The following ADGRL2 variants were observed in gnomAD, a reference collection of about 807,000 sequenced individuals.
ADGRL2 encodes the protein adhesion G protein-coupled receptor L2.
Under a neutral mutation model 157.4 loss-of-function variants are expected in ADGRL2, and 44 were observed. That is an observed-to-expected ratio of 0.28 (90% CI 0.22 to 0.36). ADGRL2 has a LOEUF of 0.36. ADGRL2 is among the 10% of genes least tolerant of loss of function. The probability of loss-of-function intolerance (pLI) is 1.00; values close to 1 mark genes in which losing one functional copy is unlikely to be tolerated. For synonymous variants in ADGRL2, 585 were observed against 624.7 expected (o/e 0.94, Z 0.95); for missense variants, 1,510 against 1,768.9 (o/e 0.85, Z 2.63).
chr1:81,601,615 GAGA>G (rs1207300717), intron 3 of ADGRL2, among the ~76,000 whole-genome samples: 3 of 152,282 alleles, frequency 2.0e-5, no homozygotes, highest in Admixed American at 6.5e-5. Flanking sequence ...AAGAGAGAGA[GAGA>G]AGAAGAAATC....
intron 2 of ADGRL2, among the ~76,000 whole-genome samples, chr1:81,870,011 A>G (rs190667178): frequency 1.6e-3 from 241 of 149,328 alleles, no homozygotes; most frequent in African/African-American, 5.7e-3. Context: ...CATTTTCCTT[A>G]CAAAACAACA....
At chr1:81,524,114 A>C (rs533723658) in intron 2 of ADGRL2, among the ~76,000 whole-genome samples, 1 of 152,186 alleles carries the variant, frequency 6.6e-6, no homozygotes, top group Non-Finnish European at 1.5e-5. Flanking sequence ...TAATCCCAGC[A>C]CTTTGGGAGG....
At chr1:81,422,347 C>T (rs147974166) in intron 1 of ADGRL2, among the ~76,000 whole-genome samples, 3 of 152,234 alleles carry the variant, frequency 2.0e-5, no homozygotes, top group African/African-American at 2.4e-5. Flanking sequence ...TGAATTCAAG[C>T]GATTCTCCTG....
At chr1:81,316,970 A>G (rs1660148793) in intron 1 of ADGRL2, among the ~76,000 whole-genome samples, 2 of 152,120 alleles carry the variant, frequency 1.3e-5, no homozygotes, top group Non-Finnish European at 1.5e-5. Flanking sequence ...TGTCAATGAA[A>G]AGTTAGGAAG....
chr1:81,872,595 C>A (rs1345030721), intron 2 of ADGRL2, among the ~76,000 whole-genome samples: 1 of 152,032 alleles, frequency 6.6e-6, no homozygotes, highest in Non-Finnish European at 1.5e-5. Context: ...AGTGTTGGTG[C>A]TTACTGGACT....
At chr1:81,878,795 T>C (rs1332161939) in intron 2 of ADGRL2, among the ~76,000 whole-genome samples, 1 of 152,136 alleles carries the variant, frequency 6.6e-6, no homozygotes, top group Non-Finnish European at 1.5e-5. Context: ...ATAAACACAG[T>C]GTAATGGTTT....
At chr1:81,857,056 G>A (rs2093227896) in intron 2 of ADGRL2, among the ~76,000 whole-genome samples, 1 of 152,132 alleles carries the variant, frequency 6.6e-6, no homozygotes, top group Non-Finnish European at 1.5e-5. Context: ...AATCACTGTA[G>A]TAGGTGCTTT....
chr1:81,362,489 C>G (rs4388741), intron 1 of ADGRL2, among the ~76,000 whole-genome samples: 77,251 of 151,586 alleles, frequency 0.51, 21,688 homozygotes, highest in East Asian at 0.72. Flanking sequence ...TATCATTATG[C>G]TAATTCCTCC....
At chr1:81,722,247 C>G (rs1399289123) in intron 1 of ADGRL2, 1 of 402,728 alleles carries the variant, frequency 2.5e-6, no homozygotes, top group Non-Finnish European at 4.7e-6. Context: ...GAGCGGAGAT[C>G]GCGCCACTGC....
At chr1:81,944,096 A>G (rs888491667) in intron 6 of ADGRL2, among the ~76,000 whole-genome samples, 7 of 151,990 alleles carry the variant, frequency 4.6e-5, no homozygotes, top group Admixed American at 1.3e-4. Context: ...ATTACAATCT[A>G]TGTTCAGACC....
At chr1:81,868,060 G>GGT (rs145794673) in intron 2 of ADGRL2, among the ~76,000 whole-genome samples, 54,050 of 145,324 alleles carry the variant, frequency 0.37, 10,005 homozygotes, top group East Asian at 0.47. Context: ...GTGTGTGTGT[G>GGT]GTGTGTGTGT....
At chr1:81,905,612 A>G (rs1256134355) in intron 2 of ADGRL2, among the ~76,000 whole-genome samples, 2 of 152,210 alleles carry the variant, frequency 1.3e-5, no homozygotes, top group African/African-American at 4.8e-5. Context: ...AATCAGTTCT[A>G]TGTTTTGACA....
chr1:81,888,195 A>G (rs185691393), intron 2 of ADGRL2, among the ~76,000 whole-genome samples: 2 of 152,312 alleles, frequency 1.3e-5, no homozygotes, highest in East Asian at 1.9e-4. Context: ...AAGGTCAGCT[A>G]TAAACGTAGA....
At chr1:81,649,159 AC>A (rs1316231647) in intron 3 of ADGRL2, among the ~76,000 whole-genome samples, 2 of 151,944 alleles carry the variant, frequency 1.3e-5, no homozygotes, top group Non-Finnish European at 2.9e-5. Flanking sequence ...ACCTCTCCTC[AC>A]CCAAGTTTCC....
intron 1 of ADGRL2, among the ~76,000 whole-genome samples, chr1:81,325,431 A>G (rs1387093583): frequency 2.0e-5 from 3 of 152,226 alleles, no homozygotes; most frequent in African/African-American, 7.2e-5. Context: ...TGAGAAAACA[A>G]AGAAGATTCT....
intron 1 of ADGRL2, chr1:81,427,552 C>T: frequency 1.3e-6 from 1 of 745,130 alleles, no homozygotes; most frequent in Non-Finnish European, 2.5e-6. Context: ...AAGCTCATCC[C>T]TATGATGGTG....
At chr1:81,769,656 T>A (rs1164241242) in intron 2 of ADGRL2, among the ~76,000 whole-genome samples, 1 of 151,970 alleles carries the variant, frequency 6.6e-6, no homozygotes, top group African/African-American at 2.4e-5. Flanking sequence ...TTGGCTATCA[T>A]GGCCTTTTTC....
chr1:81,380,562 G>A (rs1303783135), intron 1 of ADGRL2, among the ~76,000 whole-genome samples: 2 of 151,822 alleles, frequency 1.3e-5, no homozygotes. Flanking sequence ...ATGAGGTGAG[G>A]GAATACATGG....
intron 1 of ADGRL2, among the ~76,000 whole-genome samples, chr1:81,374,089 A>G (rs2076205484): frequency 6.6e-6 from 1 of 151,988 alleles, no homozygotes; most frequent in Non-Finnish European, 1.5e-5. Context: ...ACACACACAC[A>G]CACAAACACC....
Sources: gnomAD v4.1 joint callset for allele counts (sites outside exome capture counted in the v4.1 genomes callset) on GRCh38, gnomAD v4.1.1 for gene constraint, MANE v1.5 for transcripts, NCBI Gene and HGNC (gene_info 2026-07-23, HGNC 2026-07-21) for gene names.